The following USP7 variants were observed in gnomAD, a reference collection of about 807,000 sequenced individuals.
USP7 encodes the protein ubiquitin specific peptidase 7, also known as ubiquitin C-terminal hydrolase 7.
In USP7, 9 loss-of-function variants were observed where a neutral mutation model predicts 162.9. The ratio of observed to expected loss-of-function variants is 0.06; its 90% CI spans 0.03 to 0.10. USP7 has a LOEUF of 0.10. USP7 is among the 10% of genes least tolerant of loss of function. USP7 has a pLI of 1.00. For missense variants in USP7, 715 were observed against 1,373.7 expected, an observed-to-expected ratio of 0.52 and a Z score of 7.58; for synonymous variants, 562 against 475.9, an observed-to-expected ratio of 1.18 and a Z score of -2.35.
At chr16:8,924,502 G>A (rs975698971) in intron 2 of USP7, among the ~76,000 whole-genome samples, 1 of 152,250 alleles carries the variant, frequency 6.6e-6, no homozygotes, top group Non-Finnish European at 1.5e-5. Context: ...AGAATCAGGT[G>A]CTATTTTGAC....
rs1172234966 is a variant in USP7 at position 8,895,118 on chromosome 16, T to C, written c.2952A>G (p.Lys984=). The C allele has an allele frequency of 6.2e-7, 1 of 1,614,238 alleles. No individual in the cohort carries two copies. The highest frequency in any genetic ancestry group is 8.5e-7 in the Non-Finnish European group (1 of 1,180,040). Residue 984 remains lysine, a synonymous_variant, in exon 28 of 31, where the codon AAA becomes AAG. Transcript: ENST00000344836. The part of the protein sequence containing the change: ...EIPLDQVDID[K]ENEMLVTVAH... ...CCACTGTGACAAGCATCTCATTCTC[T>C]TTGTCTATGTCCACCTGGTCCAAAG...
At chr16:8,946,802 G>T (rs1899306668) in intron 1 of USP7, among the ~76,000 whole-genome samples, 1 of 152,212 alleles carries the variant, frequency 6.6e-6, no homozygotes. Context: ...AGAGCAAACA[G>T]CAGCAGGCGT....
intron 1 of USP7, among the ~76,000 whole-genome samples, chr16:8,952,484 G>T (rs891737433): frequency 6.6e-6 from 1 of 152,090 alleles, no homozygotes; most frequent in East Asian, 1.9e-4. Context: ...GAGGTTCTAG[G>T]GGGAAATGTT....
In USP7 at chr16:8,923,345, C is replaced by A. The variant is rs1897807783; in HGVS notation, c.253G>T (p.Val85Phe). The A allele has an allele frequency of 6.2e-7, 1 of 1,614,210 alleles. No individual in the cohort carries two copies. Among genetic ancestry groups the A allele is most frequent in the Non-Finnish European group, 8.5e-7 (1 of 1,180,048 alleles). ...CGCACAAAACACGGAGGGCTAAGGACCGACTCACTCAGTCTGCTGAAGCGC... is the reference window on the plus strand; with the variant it reads ...CGCACAAAACACGGAGGGCTAAGGAACGACTCACTCAGTCTGCTGAAGCGC... Reference protein sequence around the residue: ...VERFSRLSESVLSPPCFVRNL... With the variant: ...VERFSRLSESFLSPPCFVRNL... The change falls in exon 3 of 31, where the codon GTC becomes TTC. Residue 85 changes from valine to phenylalanine, a missense_variant. Coordinates refer to ENST00000344836, the MANE Select transcript of USP7 (RefSeq NM_003470.3).
intron 2 of USP7, among the ~76,000 whole-genome samples, chr16:8,924,460 A>T (rs1349169182): frequency 6.6e-6 from 1 of 152,250 alleles, no homozygotes; most frequent in Non-Finnish European, 1.5e-5. Flanking sequence ...GCCAAGCTCT[A>T]CAGGCAGTGC....
Position 8,903,338 on chromosome 16 carries a change from T to C in USP7, c.1769A>G (p.Lys590Arg). The change falls in exon 16 of 31, where the codon AAA becomes AGA. Residue 590 changes from lysine to arginine, a missense_variant. Physicochemically the swap from Lys to Arg is conservative, Grantham distance 26. This residue lies in a region of USP7 where 197 missense variants were observed against 306.5 expected (regional missense o/e 0.64). Transcript: ENST00000344836. ...GNDMYDEEKV[K>R]YTVFKVLKNS... ...CTTCAATACTTTGAACACAGTGTAT[T>C]TCACTTTTTCTTCATCGTACATGTC... 6.2e-7 allele frequency: 1 copy of C among 1,614,202 alleles called. No individual in the cohort carries two copies. Among genetic ancestry groups the C allele is most frequent in the East Asian group, 2.2e-5 (1 of 44,886 alleles).
chr16:8,913,797 C>A (rs891325165), intron 10 of USP7, among the ~76,000 whole-genome samples: 1 of 152,038 alleles, frequency 6.6e-6, no homozygotes, highest in Non-Finnish European at 1.5e-5. Flanking sequence ...GTTGCCCAGG[C>A]TGCAGTGCAG....
intron 26 of USP7, among the ~76,000 whole-genome samples, chr16:8,895,984 G>T (rs144514369): frequency 3.3e-5 from 5 of 151,862 alleles, no homozygotes; most frequent in African/African-American, 4.8e-5. Context: ...CTACAGGTGC[G>T]TGCCACCACA....
intron 25 of USP7, 82 bp from the exon 26 acceptor site, chr16:8,897,181 C>T: frequency 1.8e-6 from 2 of 1,095,388 alleles, no homozygotes; most frequent in South Asian, 2.6e-5. Flanking sequence ...GAGAAAGTTG[C>T]ATCATTGTTC....
At position 8,925,747 on chromosome 16, in the gene USP7, C is replaced by T. The variant is rs112415721; in HGVS notation, c.185-2334G>A. On this transcript the variant is annotated intron_variant, in intron 2 of 30. Transcript: ENST00000344836. Reference sequence around the variant, plus strand: ...CGATTTCAGCCTCACACTCAAGGCACATTTCTTAGAACAGACTTATCAAAT... The same window carrying T: ...CGATTTCAGCCTCACACTCAAGGCATATTTCTTAGAACAGACTTATCAAAT... Among the ~76,000 whole-genome samples, 489 of 152,336 alleles carry T rather than the reference C, an allele frequency of 3.2e-3. 3 individuals carry two copies. Among genetic ancestry groups the T allele is most frequent in the African/African-American group, 0.01 (422 of 41,582 alleles).
intron 10 of USP7, among the ~76,000 whole-genome samples, chr16:8,914,222 T>C (rs1050738474): frequency 1.3e-5 from 2 of 152,036 alleles, no homozygotes; most frequent in African/African-American, 4.8e-5. Context: ...AAATACAAAC[T>C]AAAATGCAGA....
At chr16:8,904,307 C>A in intron 15 of USP7, 128 bp downstream of exon 15, 1 of 1,479,716 alleles carries the variant, frequency 6.8e-7, no homozygotes, top group Non-Finnish European at 9.1e-7. Flanking sequence ...CACTTGCGTA[C>A]AGAGATGGAT....
intron 1 of USP7, among the ~76,000 whole-genome samples, chr16:8,931,695 A>G (rs1457227908): frequency 6.6e-6 from 1 of 152,224 alleles, no homozygotes; most frequent in Non-Finnish European, 1.5e-5. Flanking sequence ...CAACATTCCA[A>G]TCACTTTTCA....
At chr16:8,914,636 C>A (rs916941786) in intron 10 of USP7, among the ~76,000 whole-genome samples, 2 of 152,150 alleles carry the variant, frequency 1.3e-5, no homozygotes, top group Admixed American at 6.5e-5. Context: ...GAATCAGACA[C>A]AGGCTGGACA....
In USP7 at chr16:8,898,610, C is replaced by A; in HGVS notation, c.2561G>T (p.Arg854Ile). The change falls in exon 24 of 31, where the codon AGA (arginine) becomes ATA (isoleucine). Residue 854 changes from arginine to isoleucine, a missense_variant. Arg to Ile is a moderately conservative substitution (Grantham distance 97). Coordinates refer to ENST00000344836, the MANE Select transcript of USP7 (RefSeq NM_003470.3). ...GYRDGPGNPL[R>I]HNYEGTLRDL... ...TCTTAAAGTACCTTCATAATTATGT[C>A]TAAGAGGATTACCTGGGCCATCCCT... The A allele has an allele frequency of 6.2e-7, 1 of 1,608,140 alleles. No individual in the cohort carries two copies.
chr16:8,911,650 G>C (rs922202746), intron 10 of USP7, among the ~76,000 whole-genome samples: 3 of 152,240 alleles, frequency 2.0e-5, no homozygotes, highest in African/African-American at 7.2e-5. Context: ...CTGCAGCCCG[G>C]AGAAGGCAAA....
intron 1 of USP7, among the ~76,000 whole-genome samples, chr16:8,951,353 C>T (rs1899538965): frequency 6.7e-5 from 1 of 14,866 alleles, no homozygotes. Context: ...AGTTTTCCTT[C>T]CACCTTGTGA....
chr16:8,918,617 C>G (rs1428537739), intron 6 of USP7, among the ~76,000 whole-genome samples: 1 of 152,072 alleles, frequency 6.6e-6, no homozygotes, highest in South Asian at 2.1e-4. Context: ...CGAGACCAGC[C>G]TGGACAACAT....
intron 2 of USP7, among the ~76,000 whole-genome samples, chr16:8,926,905 T>C (rs930726883): frequency 6.6e-6 from 1 of 152,228 alleles, no homozygotes; most frequent in Admixed American, 6.5e-5. Flanking sequence ...CTGGAGACTC[T>C]TGTACCAGGG....
Sources: gnomAD v4.1 joint callset for allele counts (sites outside exome capture counted in the v4.1 genomes callset) on GRCh38, gnomAD v4.1.1 for gene constraint, gnomAD v4.1.1 regional missense constraint, MANE v1.5 for transcripts, NCBI Gene and HGNC (gene_info 2026-07-23, HGNC 2026-07-21) for gene names.